The following GADL1 variants were observed in gnomAD, a reference collection of about 807,000 sequenced individuals.
GADL1 encodes the protein acidic amino acid decarboxylase GADL1.
GADL1 carries 71 observed loss-of-function variants against 69.5 expected under a neutral mutation model. The observed-to-expected ratio is 1.02, with a 90% confidence interval of 0.84 to 1.25. GADL1 has a LOEUF of 1.25. Among genes scored for constraint, GADL1 ranks in the 50% most tolerant of loss-of-function variants. The pLI is 0.00. For synonymous variants in GADL1, 254 were observed against 214.4 expected, an observed-to-expected ratio of 1.18 and a Z score of -1.62; for missense variants, 737 against 631.8, an observed-to-expected ratio of 1.17 and a Z score of -1.79.
At chr3:30,794,465 T>C (rs991604587) in intron 12 of GADL1, among the ~76,000 whole-genome samples, 3 of 152,174 alleles carry the variant, frequency 2.0e-5, no homozygotes, top group Non-Finnish European at 4.4e-5. Flanking sequence ...ATATCAGAAA[T>C]GTACAGTCAC....
At chr3:30,890,025 T>C (rs1250245241) in intron 1 of GADL1, among the ~76,000 whole-genome samples, 1 of 152,226 alleles carries the variant, frequency 6.6e-6, no homozygotes, top group Admixed American at 6.5e-5. Flanking sequence ...TGCATTCACA[T>C]AGTATTCTAT....
intron 14 of GADL1, among the ~76,000 whole-genome samples, chr3:30,747,689 G>A (rs1197079573): frequency 6.6e-6 from 1 of 152,124 alleles, no homozygotes; most frequent in African/African-American, 2.4e-5. Context: ...CCATATCTAA[G>A]AGAATATGAA....
At chr3:30,815,770 C>T (rs1461247784) in intron 11 of GADL1, among the ~76,000 whole-genome samples, 1 of 152,156 alleles carries the variant, frequency 6.6e-6, no homozygotes, top group Non-Finnish European at 1.5e-5. Context: ...TTTTCTATTT[C>T]TGTACACTGT....
At chr3:30,755,378 C>CT (rs1695943810) in intron 14 of GADL1, among the ~76,000 whole-genome samples, 1 of 111,186 alleles carries the variant, frequency 9.0e-6, no homozygotes, top group Non-Finnish European at 1.9e-5. Flanking sequence ...TACTAAAAAA[C>CT]TTGTTTTTCT....
At chr3:30,765,012 T>A (rs1696236580) in intron 14 of GADL1, among the ~76,000 whole-genome samples, 1 of 149,632 alleles carries the variant, frequency 6.7e-6, no homozygotes, top group South Asian at 2.1e-4. Flanking sequence ...GGTTTAGCCA[T>A]CTGTAGTCAC....
At chr3:30,776,903 C>G (rs755040393) in intron 14 of GADL1, among the ~76,000 whole-genome samples, 1 of 152,182 alleles carries the variant, frequency 6.6e-6, no homozygotes, top group Non-Finnish European at 1.5e-5. Flanking sequence ...TGCTGTGATT[C>G]TTCCTGGAAT....
chr3:30,834,107 A>G (rs1241470042), intron 10 of GADL1, 110 bp downstream of exon 10: 2 of 1,058,984 alleles, frequency 1.9e-6, no homozygotes, highest in African/African-American at 3.2e-5. Context: ...GTTGTTGTTT[A>G]TTTAAGGAAA....
intron 9 of GADL1, among the ~76,000 whole-genome samples, chr3:30,836,456 C>T: frequency 6.6e-6 from 1 of 151,380 alleles, no homozygotes; most frequent in Non-Finnish European, 1.5e-5. Flanking sequence ...CACTCTAATT[C>T]CTAACTCCAG....
intron 14 of GADL1, among the ~76,000 whole-genome samples, chr3:30,771,127 G>A (rs1391990478): frequency 6.6e-6 from 1 of 152,150 alleles, no homozygotes; most frequent in Non-Finnish European, 1.5e-5. Flanking sequence ...TATTTAGAAA[G>A]ACAATAATTA....
At chr3:30,874,920 C>T (rs7634080) in intron 1 of GADL1, among the ~76,000 whole-genome samples, 4,402 of 151,992 alleles carry the variant, frequency 0.029, 178 homozygotes, top group African/African-American at 0.089. Context: ...TACATAATTG[C>T]TTCGGGGTAA....
chr3:30,771,364 T>C (rs909907239), intron 14 of GADL1, among the ~76,000 whole-genome samples: 10 of 152,312 alleles, frequency 6.6e-5, no homozygotes, highest in African/African-American at 2.4e-4. Context: ...GACAGAATAC[T>C]TAAAACAACA....
chr3:30,814,363 T>TC (rs1410629007), intron 11 of GADL1, among the ~76,000 whole-genome samples: 3 of 152,182 alleles, frequency 2.0e-5, no homozygotes, highest in Non-Finnish European at 4.4e-5. Context: ...CTCTGGATGT[T>TC]CTAAAACAAG....
In GADL1 at chr3:30,886,785, C is replaced by G. The variant is rs370051489; in HGVS notation, c.37+7793G>C. On this transcript the variant is annotated intron_variant, in intron 1 of 14. Coordinates refer to ENST00000282538, the MANE Select transcript of GADL1 (RefSeq NM_207359.3). ...ATCTATATTGTTGTGTGCAAGGTCA[C>G]AGCCTAGAGCTCCTGGCAGGCAGCA... Among the ~76,000 whole-genome samples, 286 of 152,296 alleles carry G rather than the reference C, an allele frequency of 1.9e-3. 4 individuals are homozygous for G. Among genetic ancestry groups the G allele is most frequent in the African/African-American group, 6.5e-3 (270 of 41,564 alleles).
intron 14 of GADL1, among the ~76,000 whole-genome samples, chr3:30,768,228 T>C (rs946512142): frequency 1.3e-5 from 2 of 152,148 alleles, no homozygotes; most frequent in Non-Finnish European, 2.9e-5. Context: ...CTGGAAATAA[T>C]AGCAAAAGCA....
At chr3:30,787,087 A>G (rs1346577863) in intron 12 of GADL1, among the ~76,000 whole-genome samples, 1 of 152,160 alleles carries the variant, frequency 6.6e-6, no homozygotes, top group African/African-American at 2.4e-5. Flanking sequence ...GAGCTAATGC[A>G]TGTGGGGCTT....
In GADL1 at chr3:30,776,661, G is replaced by A. The variant is rs538255316; in HGVS notation, c.1392+1518C>T. ...ATGAATAAACAGAAAATGACCTGAA[G>A]CTAAAAGGACACGCTGCCAAGTGAG... is the stretch of plus-strand genomic sequence containing the variant. On this transcript the variant is annotated intron_variant, in intron 14 of 14. Transcript: ENST00000282538. 9.8e-5 allele frequency among the ~76,000 whole-genome samples: 15 copies of A among 152,306 alleles called. No individual in the cohort carries two copies. In the South Asian group the frequency reaches 2.9e-3, roughly 29 times the overall value.
intron 11 of GADL1, among the ~76,000 whole-genome samples, chr3:30,828,842 G>A (rs1201410272): frequency 6.6e-6 from 1 of 151,812 alleles, no homozygotes; most frequent in African/African-American, 2.4e-5. Context: ...GAAAGATTAG[G>A]AAACCTGAAT....
At chr3:30,879,932 T>G (rs376639623) in intron 1 of GADL1, among the ~76,000 whole-genome samples, 1 of 151,916 alleles carries the variant, frequency 6.6e-6, no homozygotes, top group African/African-American at 2.4e-5. Context: ...AAACTCCTAT[T>G]TTGACTGCCT....
intron 11 of GADL1, among the ~76,000 whole-genome samples, chr3:30,814,985 T>TAA (rs1559507438): frequency 1.2e-4 from 15 of 122,086 alleles, no homozygotes; most frequent in Admixed American, 9.0e-5. Flanking sequence ...AAAAAAAATT[T>TAA]TTTTCATTAA....
Sources: allele counts gnomAD v4.1 joint callset (sites outside exome capture counted in the v4.1 genomes callset), GRCh38; gene constraint gnomAD v4.1.1; transcripts MANE v1.5; gene names NCBI Gene and HGNC (gene_info 2026-07-23, HGNC 2026-07-21).